Variants in MTPAP observed in about 807,000 individuals in gnomAD.
The protein encoded by MTPAP is mitochondrial poly(A) polymerase, also known as poly(A) RNA polymerase, mitochondrial.
Under a neutral mutation model 48.7 loss-of-function variants are expected in MTPAP, and 23 were observed. That is an observed-to-expected ratio of 0.47 (90% confidence interval 0.34 to 0.67). The LOEUF (loss-of-function observed/expected upper bound fraction) is 0.67, where lower values mean the gene tolerates loss of function less well. Among genes scored for constraint, MTPAP ranks in the 30% least tolerant of loss-of-function variants. The pLI is 0.01. For synonymous variants in MTPAP, 257 were observed against 254.1 expected (o/e 1.01, Z -0.11); for missense variants, 614 against 694.3 (o/e 0.88, Z 1.30).
In MTPAP at chr10:30,340,469, A is replaced by G; in HGVS notation, c.331-19T>C. On this transcript the variant is annotated intron_variant, in intron 2 of 8. Coordinates refer to ENST00000263063, the MANE Select transcript of MTPAP (RefSeq NM_018109.4). ...AGAGACCCTATACCAAAAACATAAG[A>G]AAAAACAGAACACATTTCACGATAT... is the stretch of plus-strand genomic sequence containing the variant. 6.5e-7 allele frequency: 1 copy of G among 1,547,068 alleles called. No homozygotes were observed. Among genetic ancestry groups the G allele is most frequent in the Non-Finnish European group, 8.9e-7 (1 of 1,119,100 alleles).
chr10:30,344,634 G>A (rs1052986779), intron 1 of MTPAP, among the ~76,000 whole-genome samples: 2 of 152,038 alleles, frequency 1.3e-5, no homozygotes, highest in African/African-American at 2.4e-5. Flanking sequence ...CTACACACTC[G>A]TCTCTGATTT....
chr10:30,349,087 G>T, intron 1 of MTPAP, 32 bp downstream of exon 1: 1 of 1,613,660 alleles, frequency 6.2e-7, no homozygotes, highest in South Asian at 1.1e-5. Flanking sequence ...CCCGCTGTGG[G>T]ACGGAACTAC....
intron 6 of MTPAP, among the ~76,000 whole-genome samples, chr10:30,320,572 A>T (rs921045576): frequency 3.3e-5 from 5 of 152,172 alleles, no homozygotes; most frequent in Non-Finnish European, 5.9e-5. Context: ...GACCATTTTT[A>T]AAAAAGATAA....
Position 30,313,574 on chromosome 10 carries a change from G to A in MTPAP, c.*35C>T. On this transcript the variant is annotated 3_prime_UTR_variant, in exon 9 of 9. Coordinates refer to ENST00000263063, the MANE Select transcript of MTPAP (RefSeq NM_018109.4). ...AAGTAAGTCCACAGACCATTTGATA[G>A]GCTAAGCCCAGTTCTTTACACAATG... 6.2e-7 allele frequency: 1 copy of A among 1,613,516 alleles called. No individual in the cohort carries two copies. Among genetic ancestry groups the A allele is most frequent in the Non-Finnish European group, 8.5e-7 (1 of 1,179,752 alleles).
chr10:30,314,740 C>T (rs567091870), intron 8 of MTPAP, among the ~76,000 whole-genome samples: 32 of 151,838 alleles, frequency 2.1e-4, no homozygotes, highest in African/African-American at 6.8e-4. Context: ...GGTGTTGTGG[C>T]GCATGCCTGT....
intron 4 of MTPAP, among the ~76,000 whole-genome samples, chr10:30,331,771 T>C (rs1164593468): frequency 6.6e-6 from 1 of 152,230 alleles, no homozygotes; most frequent in East Asian, 1.9e-4. Flanking sequence ...TTCACCACAT[T>C]GGCCAGGCTG....
At chr10:30,325,407 C>T (rs181690445) in intron 5 of MTPAP, among the ~76,000 whole-genome samples, 1 of 152,136 alleles carries the variant, frequency 6.6e-6, no homozygotes, top group African/African-American at 2.4e-5. Context: ...GTGAAATGAA[C>T]TCATGCAATG....
chr10:30,326,177 T>C (rs1834593581), intron 5 of MTPAP, among the ~76,000 whole-genome samples: 1 of 152,198 alleles, frequency 6.6e-6, no homozygotes, highest in Non-Finnish European at 1.5e-5. Context: ...ATGAAATACA[T>C]TTCTTCTCAG....
intron 6 of MTPAP, among the ~76,000 whole-genome samples, chr10:30,320,265 C>G (rs574867150): frequency 1.3e-5 from 2 of 151,674 alleles, no homozygotes; most frequent in African/African-American, 4.8e-5. Flanking sequence ...CAGTGGCTCA[C>G]GCCTGTAATC....
chr10:30,314,884 C>CAAAAAAAAAAAAAAAAAAGAAAA (rs1840641477), intron 8 of MTPAP, among the ~76,000 whole-genome samples: 1 of 110,746 alleles, frequency 9.0e-6, no homozygotes, highest in Non-Finnish European at 1.8e-5. Context: ...AAAACAAAAA[C>CAAAAAAAAAAAAAAAAAAGAAAA]AAAAAAAAAA....
chr10:30,334,935 A>C (rs1285882199), intron 4 of MTPAP, among the ~76,000 whole-genome samples: 1 of 152,244 alleles, frequency 6.6e-6, no homozygotes, highest in Admixed American at 6.5e-5. Context: ...GGACTGTGAA[A>C]CTATGAATAC....
chr10:30,320,632 TTG>T (rs1390160961), intron 6 of MTPAP, among the ~76,000 whole-genome samples: 2 of 152,226 alleles, frequency 1.3e-5, no homozygotes, highest in Non-Finnish European at 1.5e-5. Context: ...TCATATGTGT[TTG>T]TGAAAATCAC....
In MTPAP at chr10:30,313,540, A is replaced by T. The variant is rs943182913; in HGVS notation, c.*69T>A. The T allele has an allele frequency of 6.9e-6, 11 of 1,590,930 alleles. No individual in the cohort carries two copies. In the African/African-American group the frequency reaches 1.5e-4, roughly 21 times the overall value. ...CTGAGATCTGTGAAAGTTTCAAATC[A>T]GTTTTTCCAAGTAAGTCCACAGACC... On this transcript the variant is annotated 3_prime_UTR_variant, in exon 9 of 9. Coordinates refer to ENST00000263063, the MANE Select transcript of MTPAP (RefSeq NM_018109.4).
chr10:30,338,281 TAACATAAC>T (rs1834753314), intron 3 of MTPAP, among the ~76,000 whole-genome samples: 3 of 58,666 alleles, frequency 5.1e-5, no homozygotes, highest in South Asian at 6.5e-4. Flanking sequence ...TAACATAACA[TAACATAAC>T]AACATAACAT....
At chr10:30,325,126 G>A (rs1564520099) in intron 5 of MTPAP, among the ~76,000 whole-genome samples, 8 of 151,760 alleles carry the variant, frequency 5.3e-5, no homozygotes, top group Non-Finnish European at 8.8e-5. Context: ...TTGATATAAA[G>A]AAAAAAACAT....
At chr10:30,338,308 C>CAACATAACATTAACAT (rs1554818472) in intron 3 of MTPAP, among the ~76,000 whole-genome samples, 5 of 134,958 alleles carry the variant, frequency 3.7e-5, no homozygotes, top group African/African-American at 1.2e-4. Context: ...ATTAACATAA[C>CAACATAACATTAACAT]AACATAACAT....
At chr10:30,348,972 G>C (rs138017795) in intron 1 of MTPAP, 147 bp downstream of exon 1, 8 of 1,207,646 alleles carry the variant, frequency 6.6e-6, no homozygotes, top group Non-Finnish European at 8.2e-6. Flanking sequence ...TTCCCCTACA[G>C]AGATCAGAGG....
chr10:30,317,708 T>C (rs995443320), intron 6 of MTPAP, among the ~76,000 whole-genome samples: 2 of 152,180 alleles, frequency 1.3e-5, no homozygotes, highest in Admixed American at 1.3e-4. Flanking sequence ...TTGTGACTGT[T>C]TGTATGCTGT....
intron 1 of MTPAP, among the ~76,000 whole-genome samples, chr10:30,346,391 A>T (rs1002908777): frequency 1.1e-4 from 17 of 152,228 alleles, no homozygotes; most frequent in Admixed American, 2.0e-4. Context: ...CAAAAAGTCT[A>T]GAAACTCTAA....
Sources: allele counts gnomAD v4.1 joint callset (sites outside exome capture counted in the v4.1 genomes callset), GRCh38; gene constraint gnomAD v4.1.1; transcripts MANE v1.5; gene names NCBI Gene and HGNC (gene_info 2026-07-23, HGNC 2026-07-21).